Variants in FBXL20 observed in about 807,000 individuals in gnomAD.
FBXL20 encodes F-box/LRR-repeat protein 20.
FBXL20 carries 11 observed loss-of-function variants against 64.0 expected under a neutral mutation model. The observed-to-expected ratio is 0.17, with a 90% confidence interval of 0.11 to 0.28. FBXL20 has a LOEUF of 0.28. Ranked by LOEUF, FBXL20 falls within the 10% of genes least tolerant of loss-of-function variation. The probability of loss-of-function intolerance (pLI) is 1.00; values close to 1 mark genes in which losing one functional copy is unlikely to be tolerated. For missense variants in FBXL20, 303 were observed against 526.2 expected, an observed-to-expected ratio of 0.58 and a Z score of 4.15; for synonymous variants, 184 against 189.0, an observed-to-expected ratio of 0.97 and a Z score of 0.22.
chr17:39,270,701 C>T (rs1219043982), intron 11 of FBXL20, 95 bp downstream of exon 11: 2 of 1,039,602 alleles, frequency 1.9e-6, no homozygotes, highest in African/African-American at 1.6e-5. Context: ...ATTCTGCTAC[C>T]ATTTCACATT....
intron 6 of FBXL20, among the ~76,000 whole-genome samples, chr17:39,294,777 C>G (rs545450355): frequency 6.6e-6 from 1 of 151,956 alleles, no homozygotes; most frequent in Non-Finnish European, 1.5e-5. Context: ...TTTGGGAGGC[C>G]GAGGTGGGCA....
At chr17:39,325,605 T>C (rs141295644) in intron 2 of FBXL20, among the ~76,000 whole-genome samples, 1 of 152,276 alleles carries the variant, frequency 6.6e-6, no homozygotes, top group East Asian at 1.9e-4. Context: ...AGAAAATGGA[T>C]AGAAACCTGC....
Position 39,366,882 on chromosome 17 carries a change from CTT to C in FBXL20, c.43-23643_43-23642del, listed in dbSNP as rs34067496. Among the ~76,000 whole-genome samples the C allele has an allele frequency of 7.2e-4, 99 of 137,680 alleles. 1 individual carries two copies. The highest frequency in any genetic ancestry group is 1.2e-3 in the Admixed American group (17 of 13,770). 90.3% of individuals were successfully genotyped at this position (137,680 alleles called of 152,430 possible). A position where few individuals can be genotyped will look rare whatever the true frequency, so the allele number is the denominator to read the frequency against. On this transcript the variant is annotated intron_variant, in intron 1 of 14. Transcript: ENST00000264658. The stretch of plus-strand genomic sequence containing the variant: ...GTCTGAGGTTATTATTCTATCAGTC[CTT>C]TTTTTTTTTTTTTTCCTGAGATGGA...
chr17:39,278,587 G>A (rs1014724544), intron 9 of FBXL20, among the ~76,000 whole-genome samples: 1 of 136,758 alleles, frequency 7.3e-6, no homozygotes, highest in Admixed American at 8.1e-5. Flanking sequence ...TGGCTGTGTC[G>A]CCCAGGCTGG....
At chr17:39,381,562 A>C (rs2048023541) in intron 1 of FBXL20, among the ~76,000 whole-genome samples, 1 of 151,788 alleles carries the variant, frequency 6.6e-6, no homozygotes, top group South Asian at 2.1e-4. Context: ...AGGCCGAAGC[A>C]GGCAGATAAC....
At chr17:39,268,967 C>A in intron 11 of FBXL20, 96 bp from the exon 12 acceptor site, 1 of 1,094,236 alleles carries the variant, frequency 9.1e-7, no homozygotes, top group South Asian at 1.3e-5. Context: ...ATATTAAATA[C>A]GTTGATAAAT....
intron 2 of FBXL20, among the ~76,000 whole-genome samples, chr17:39,320,427 GGTATATA>G (rs2047344355): frequency 6.6e-6 from 1 of 152,008 alleles, no homozygotes; most frequent in South Asian, 2.1e-4. Flanking sequence ...AAAGATAAGT[GGTATATA>G]CTGACCTCAC....
chr17:39,372,385 G>A (rs1314811827), intron 1 of FBXL20, among the ~76,000 whole-genome samples: 3 of 151,284 alleles, frequency 2.0e-5, no homozygotes, highest in South Asian at 2.1e-4. Flanking sequence ...TGGGCATGGT[G>A]ACGTGCGCCT....
intron 3 of FBXL20, among the ~76,000 whole-genome samples, chr17:39,302,374 CTTTTT>C: frequency 7.7e-6 from 1 of 129,944 alleles, no homozygotes. Flanking sequence ...CCGCATTTGG[CTTTTT>C]TTTTTTTTTT....
rs1457367006 is a variant in FBXL20, at chr17:39,253,756, T to C, written c.*7704A>G. The C allele has an allele frequency of 2.0e-5, 3 of 152,242 alleles. No individual in the cohort carries two copies. The highest frequency in any genetic ancestry group is 4.4e-5 in the Non-Finnish European group (3 of 68,026). 9.4% of individuals were successfully genotyped at this position (152,242 alleles called of 1,614,324 possible). On this transcript the variant is annotated 3_prime_UTR_variant, in exon 15 of 15. Transcript: ENST00000264658. Reference sequence around the variant, plus strand: ...ATTCTTAAGGGCAGGAAAAAACTAATGTAAACCCAGGAAAGCAGCAGCAAA... The same window carrying C: ...ATTCTTAAGGGCAGGAAAAAACTAACGTAAACCCAGGAAAGCAGCAGCAAA...
chr17:39,401,947 C>T, upstream of FBXL20: 1 of 437,346 alleles, frequency 2.3e-6, no homozygotes, highest in Non-Finnish European at 3.8e-6. Context: ...TGCGCGCGTG[C>T]TCGCGGACCA....
intron 2 of FBXL20, among the ~76,000 whole-genome samples, chr17:39,334,777 ATCAACG>A (rs1221093998): frequency 6.6e-6 from 1 of 152,048 alleles, no homozygotes; most frequent in Non-Finnish European, 1.5e-5. Context: ...TTTTACAGTT[ATCAACG>A]TCATCCTCAG....
At chr17:39,356,012 G>A (rs1363455459) in intron 1 of FBXL20, among the ~76,000 whole-genome samples, 11 of 150,866 alleles carry the variant, frequency 7.3e-5, no homozygotes, top group African/African-American at 2.2e-4. Flanking sequence ...TCAGGAGTTC[G>A]AGACCAGCCT....
chr17:39,371,044 C>T (rs2047913741), intron 1 of FBXL20, among the ~76,000 whole-genome samples: 2 of 151,846 alleles, frequency 1.3e-5, no homozygotes, highest in Admixed American at 6.6e-5. Flanking sequence ...CATGGAGAAA[C>T]CCCATCTCTA....
chr17:39,376,926 C>T (rs2047972808), intron 1 of FBXL20, among the ~76,000 whole-genome samples: 1 of 152,142 alleles, frequency 6.6e-6, no homozygotes, highest in Non-Finnish European at 1.5e-5. Flanking sequence ...CCGACTCCAC[C>T]TTGCTTCTAA....
intron 1 of FBXL20, among the ~76,000 whole-genome samples, chr17:39,349,205 T>C (rs1420793327): frequency 1.3e-5 from 2 of 151,278 alleles, no homozygotes; most frequent in Non-Finnish European, 2.9e-5. Flanking sequence ...TGAGCTGAGA[T>C]CATGCCACTG....
At chr17:39,333,906 C>T (rs9674814) in intron 2 of FBXL20, among the ~76,000 whole-genome samples, 7,626 of 151,456 alleles carry the variant, frequency 0.05, 522 homozygotes, top group African/African-American at 0.17. Context: ...CCCCTCCGCC[C>T]GGCAGCCACC....
rs529189671 is a variant in FBXL20 at position 39,267,000 on chromosome 17, C to T, written c.934-1547G>A. Among the ~76,000 whole-genome samples the T allele has an allele frequency of 9.9e-4, 150 of 152,038 alleles. No individual in the cohort carries two copies. The South Asian group carries it at 0.011, about 11-fold the overall frequency. ...AGACATGGTAGTTCACGCTTGTAAT[C>T]CCAGCACTTTGGGAAGCTGAGGCTG... is the stretch of plus-strand genomic sequence containing the variant. On this transcript the variant is annotated intron_variant, in intron 12 of 14. Coordinates refer to ENST00000264658, the MANE Select transcript of FBXL20 (RefSeq NM_032875.3).
At chr17:39,294,268 C>A (rs935795106) in intron 6 of FBXL20, among the ~76,000 whole-genome samples, 4 of 151,786 alleles carry the variant, frequency 2.6e-5, no homozygotes, top group Admixed American at 6.6e-5. Flanking sequence ...AACCACCACA[C>A]CTGGCTGCTT....
Sources: allele counts gnomAD v4.1 joint callset (sites outside exome capture counted in the v4.1 genomes callset), GRCh38; gene constraint gnomAD v4.1.1; transcripts MANE v1.5; gene names NCBI Gene and HGNC (gene_info 2026-07-23, HGNC 2026-07-21).